Variants in TCHP observed in about 807,000 individuals in gnomAD.
The protein encoded by TCHP is trichoplein keratin filament binding, also known as trichoplein keratin filament-binding protein.
A neutral mutation model predicts 88.7 loss-of-function variants in TCHP; 81 were observed. The observed-to-expected ratio is 0.91, with a 90% CI of 0.76 to 1.10. The LOEUF is 1.10. Among genes scored for constraint, TCHP ranks in the 50% least tolerant of loss-of-function variants. The pLI is 0.00. For synonymous variants in TCHP, 232 were observed against 232.5 expected (o/e 1.00, Z 0.02); for missense variants, 641 against 632.1 (o/e 1.01, Z -0.15).
rs1387949041 is a variant in TCHP, at chr12:109,905,270, G to A, written c.456+477G>A. On this transcript the variant is annotated intron_variant, in intron 4 of 12. Transcript: ENST00000405876. This position sits in a 1 kb window ranked among gnomAD's most constrained non-coding sequence, Gnocchi z 4.0. ...ACTGTGAGAACCAGGCTTGAGACTC[G>A]AGAACAGAGCGAGCCCTGGGAGCTG... Among the ~76,000 whole-genome samples, 13 of 152,334 alleles carry A rather than the reference G, an allele frequency of 8.5e-5. No homozygotes were observed. Among genetic ancestry groups the A allele is most frequent in the Admixed American group, 2.0e-4 (3 of 15,300 alleles).
In TCHP at chr12:109,903,849, C is replaced by T. The variant is rs1869957105; in HGVS notation, c.189-88C>T. ...TTCCTGTGTCGTCATGACACATCTA[C>T]CTCAGCCTCTTTTACCGACACAGCA... On this transcript the variant is annotated intron_variant, in intron 2 of 12. Transcript: ENST00000405876. The surrounding 1 kb of genome is among the most constrained non-coding windows in gnomAD (Gnocchi z 4.6). 4.6e-6 allele frequency: 5 copies of T among 1,082,786 alleles called. No homozygotes were observed. The highest frequency in any genetic ancestry group is 5.5e-6 in the Non-Finnish European group (4 of 725,420). The allele number at this position is 1,082,786 out of a possible 1,614,324, so 67.1% of individuals were successfully genotyped here.
the TCHP span, among the ~76,000 whole-genome samples, chr12:109,885,240 G>A: frequency 6.6e-6 from 1 of 152,180 alleles, no homozygotes; most frequent in Admixed American, 6.5e-5. Context: ...AGAGTGCTGG[G>A]ATTACAGGCG....
At chr12:109,911,634 GAAGA>G (rs1316625532) in intron 9 of TCHP, among the ~76,000 whole-genome samples, 1 of 133,094 alleles carries the variant, frequency 7.5e-6, no homozygotes, top group African/African-American at 2.8e-5. Flanking sequence ...AAAAAAAAAA[GAAGA>G]AGAAGAGATA....
intron 9 of TCHP, among the ~76,000 whole-genome samples, chr12:109,911,611 CAAAAAAA>C (rs1209414114): frequency 4.4e-5 from 2 of 45,532 alleles, no homozygotes; most frequent in East Asian, 1.3e-3. Context: ...GACTCTGTCT[CAAAAAAA>C]AAAAAAAAAA....
chr12:109,882,578 AGTTGAGGTCAGGGAG>A, the TCHP span, among the ~76,000 whole-genome samples: 1 of 147,088 alleles, frequency 6.8e-6, no homozygotes, highest in South Asian at 2.2e-4. Context: ...GGGTGATAGG[AGTTGAGGTCAGGGAG>A]GTGGGCAGAG....
chr12:109,912,945 C>T (rs765986844), intron 9 of TCHP, 46 bp from the exon 10 acceptor site: 2 of 1,567,498 alleles, frequency 1.3e-6, no homozygotes, highest in Non-Finnish European at 1.8e-6. Flanking sequence ...TCGCTTCCTG[C>T]CAGGGCGGGG....
intron 11 of TCHP, 95 bp from the exon 12 acceptor site, chr12:109,915,308 T>A: frequency 1.4e-5 from 22 of 1,570,626 alleles, no homozygotes; most frequent in Non-Finnish European, 1.9e-5. Flanking sequence ...GATTCTCCAG[T>A]CTGGGTAGGG....
At chr12:109,889,667 G>T in the TCHP span, among the ~76,000 whole-genome samples, 1 of 152,232 alleles carries the variant, frequency 6.6e-6, no homozygotes, top group African/African-American at 2.4e-5. Flanking sequence ...GCTGATGTGA[G>T]ATTTCAATGG....
chr12:109,907,763 C>G, intron 6 of TCHP, 64 bp downstream of exon 6: 3 of 1,516,536 alleles, frequency 2.0e-6, no homozygotes, highest in South Asian at 2.4e-5. Context: ...GAGATGGGCA[C>G]TTGAGAGGCT....
intron 9 of TCHP, 114 bp downstream of exon 9, chr12:109,911,349 C>T (rs922294747): frequency 3.4e-6 from 2 of 582,384 alleles, no homozygotes; most frequent in East Asian, 6.5e-5. Flanking sequence ...TGGAGGCTCA[C>T]ACCTGTAATC....
At chr12:109,899,563 G>A (rs1290716121), upstream of TCHP, among the ~76,000 whole-genome samples, 2 of 152,110 alleles carry the variant, frequency 1.3e-5, no homozygotes, top group African/African-American at 4.8e-5. Flanking sequence ...GCTTGAACCC[G>A]TAAGGCGGAG....
At chr12:109,904,295 T>C (rs1869999952) in intron 3 of TCHP, 148 bp downstream of exon 3, 1 of 693,696 alleles carries the variant, frequency 1.4e-6, no homozygotes, top group Non-Finnish European at 2.4e-6. Flanking sequence ...TAGGTCCTTG[T>C]GCAGGGACTG....
chr12:109,902,941 T>A lies in TCHP; in HGVS notation c.1-86T>A, dbSNP rs912802308. On this transcript the variant is annotated intron_variant, in intron 1 of 12. Coordinates refer to ENST00000405876, the MANE Select transcript of TCHP (RefSeq NM_001143852.2). ...ATTTCACTGTGCAGCCAAGGGGTGG[T>A]GACCACTCGTTAAAGGGATGAGGCC... The A allele has an allele frequency of 2.2e-5, 24 of 1,103,982 alleles. No homozygotes were observed. In the African/African-American group the frequency reaches 3.4e-4, roughly 16 times the overall value. The allele number at this position is 1,103,982 out of a possible 1,614,324, so 68.4% of individuals were successfully genotyped here.
rs951853606 is a variant in TCHP at position 109,905,468 on chromosome 12, A to G, written c.456+675A>G. 7.2e-5 allele frequency among the ~76,000 whole-genome samples: 11 copies of G among 152,134 alleles called. No homozygotes were observed. Among genetic ancestry groups the G allele is most frequent in the Admixed American group, 2.0e-4 (3 of 15,268 alleles). On this transcript the variant is annotated intron_variant, in intron 4 of 12. Coordinates refer to ENST00000405876, the MANE Select transcript of TCHP (RefSeq NM_001143852.2). The surrounding 1 kb of genome is among the most constrained non-coding windows in gnomAD (Gnocchi z 4.0). ...TTTCAGAGAGACTCCTCTGGTAGCA[A>G]TGTGCCCGCCGACAGGGAGGGGTGC... is the stretch of plus-strand genomic sequence containing the variant.
intron 5 of TCHP, 72 bp from the exon 6 acceptor site, chr12:109,907,454 C>T (rs761377694): frequency 8.0e-6 from 12 of 1,505,200 alleles, no homozygotes; most frequent in Admixed American, 3.7e-5. Flanking sequence ...GCCTGCAGAA[C>T]GGCGGCAGGA....
the TCHP span, among the ~76,000 whole-genome samples, chr12:109,881,995 C>G: frequency 6.6e-6 from 1 of 151,954 alleles, no homozygotes; most frequent in East Asian, 1.9e-4. Context: ...AAATCCCTGC[C>G]CTTGTGGAGC....
In TCHP at chr12:109,911,135, C is replaced by A; in HGVS notation, c.952C>A (p.Arg318=). 2 of 1,597,170 alleles carry A rather than the reference C, an allele frequency of 1.3e-6. No individual in the cohort carries two copies. The highest frequency in any genetic ancestry group is 2.3e-5 in the South Asian group (2 of 88,042). The change falls in exon 9 of 13, where the codon CGG becomes AGG. Residue 318 remains arginine (R), a synonymous_variant. Transcript: ENST00000405876. The stretch of plus-strand genomic sequence containing the variant: ...GAGCCAGCGCCTCCACCTGGCCAGG[C>A]GGGAGCAGGTCATGGCCGATGTGGC... ...DESQRLHLAR[R]EQVMADVAWM... is the part of the protein sequence containing the mutation.
the TCHP span, among the ~76,000 whole-genome samples, chr12:109,895,162 T>C: frequency 2.0e-5 from 3 of 152,044 alleles, no homozygotes; most frequent in South Asian, 4.2e-4. Flanking sequence ...TTCACTACAG[T>C]TCCCCAGCTG....
rs936093506 is a variant in TCHP at position 109,917,391 on chromosome 12, T to C, written c.*768T>C. 1 of 152,156 alleles carries C rather than the reference T, an allele frequency of 6.6e-6. No individual in the cohort carries two copies. The highest frequency in any genetic ancestry group is 1.5e-5 in the Non-Finnish European group (1 of 68,038). 9.4% of individuals were successfully genotyped at this position (152,156 alleles called of 1,614,324 possible). On this transcript the variant is annotated 3_prime_UTR_variant, in exon 13 of 13. Transcript: ENST00000405876. Reference sequence around the variant, plus strand: ...TACCCGGGAGGCTGCGGCAAGAGGATTGCTTGAGCCCAGGAGTTCGAGTCC... The same window carrying C: ...TACCCGGGAGGCTGCGGCAAGAGGACTGCTTGAGCCCAGGAGTTCGAGTCC...
Sources: allele counts gnomAD v4.1 joint callset (sites outside exome capture counted in the v4.1 genomes callset), GRCh38; gene constraint gnomAD v4.1.1; non-coding constraint Gnocchi (gnomAD v3.1); transcripts MANE v1.5; gene names NCBI Gene and HGNC (gene_info 2026-07-23, HGNC 2026-07-21).